The following CHSY3 variants were observed in gnomAD, a reference collection of about 807,000 sequenced individuals.
CHSY3 encodes chondroitin sulfate synthase 3.
Under a neutral mutation model 67.2 loss-of-function variants are expected in CHSY3, and 35 were observed. The observed-to-expected ratio is 0.52, with a 90% confidence interval of 0.40 to 0.69. The LOEUF (loss-of-function observed/expected upper bound fraction) is 0.69, where lower values mean the gene tolerates loss of function less well. Ranked by LOEUF, CHSY3 falls within the 30% of genes least tolerant of loss-of-function variation. The pLI is 0.00. For synonymous variants in CHSY3, 474 were observed against 434.7 expected (o/e 1.09, Z -1.12); for missense variants, 1,069 against 1,138.5 (o/e 0.94, Z 0.88).
At chr5:129,952,573 G>T (rs1167790754) in intron 2 of CHSY3, among the ~76,000 whole-genome samples, 1 of 152,094 alleles carries the variant, frequency 6.6e-6, no homozygotes, top group Non-Finnish European at 1.5e-5. Flanking sequence ...TCTACCAAAT[G>T]CCTTTAATGA....
intron 2 of CHSY3, among the ~76,000 whole-genome samples, chr5:129,979,814 T>C (rs1762930337): frequency 6.6e-6 from 1 of 152,210 alleles, no homozygotes; most frequent in Non-Finnish European, 1.5e-5. Flanking sequence ...TAGTTTAGCC[T>C]TTTCCAGAAT....
At chr5:129,955,244 T>C (rs544058066) in intron 2 of CHSY3, among the ~76,000 whole-genome samples, 3 of 152,200 alleles carry the variant, frequency 2.0e-5, no homozygotes, top group Admixed American at 6.6e-5. Context: ...GACCAAATTA[T>C]ATGAAAATTA....
chr5:130,127,335 T>G (rs1768326803), intron 2 of CHSY3, among the ~76,000 whole-genome samples: 1 of 152,100 alleles, frequency 6.6e-6, no homozygotes, highest in Non-Finnish European at 1.5e-5. Context: ...TTTCTAAGCA[T>G]TAAAACAACC....
rs751880121 is a variant in CHSY3, at chr5:130,184,206, AT to A, written c.1087-16del. On this transcript the variant is annotated intron_variant, in intron 2 of 2. Transcript: ENST00000305031. The stretch of plus-strand genomic sequence containing the variant: ...GATAAATCTTTTAAAATTAACCCTG[AT>A]TTTTTTAATTTTACTTTTCAGATGC... The A allele has an allele frequency of 2.1e-6, 3 of 1,447,496 alleles. No individual in the cohort carries two copies. The African/African-American group carries it at 4.3e-5, about 21-fold the overall frequency. 89.7% of individuals were successfully genotyped at this position (1,447,496 alleles called of 1,614,324 possible). A position where few individuals can be genotyped will look rare whatever the true frequency, so the allele number is the denominator to read the frequency against.
intron 2 of CHSY3, among the ~76,000 whole-genome samples, chr5:129,969,975 C>T (rs1289917629): frequency 1.3e-5 from 2 of 151,736 alleles, no homozygotes; most frequent in Non-Finnish European, 2.9e-5. Context: ...CTCCAAAATT[C>T]CAGGCTATTT....
intron 2 of CHSY3, among the ~76,000 whole-genome samples, chr5:130,173,681 C>A (rs2149733934): frequency 6.6e-6 from 1 of 151,998 alleles, no homozygotes; most frequent in Admixed American, 6.6e-5. Context: ...AAGAGTGTAC[C>A]TTATTATTCT....
chr5:130,085,595 A>G (rs997325831), intron 2 of CHSY3, among the ~76,000 whole-genome samples: 7 of 151,738 alleles, frequency 4.6e-5, no homozygotes, highest in African/African-American at 1.7e-4. Flanking sequence ...AGGGTTTTTT[A>G]TGTCTCTATT....
chr5:130,159,570 A>G (rs1427276191), intron 2 of CHSY3, among the ~76,000 whole-genome samples: 3 of 152,138 alleles, frequency 2.0e-5, no homozygotes, highest in South Asian at 4.1e-4. Flanking sequence ...GCCTCTTCTT[A>G]CTGCTTTTTT....
chr5:130,139,375 T>C (rs935866589), intron 2 of CHSY3, among the ~76,000 whole-genome samples: 3 of 152,172 alleles, frequency 2.0e-5, no homozygotes, highest in African/African-American at 4.8e-5. Context: ...AGTTCAGAAG[T>C]TCAGAGCAAG....
chr5:130,176,616 A>G (rs942430048), intron 2 of CHSY3, among the ~76,000 whole-genome samples: 7 of 152,304 alleles, frequency 4.6e-5, no homozygotes, highest in African/African-American at 1.4e-4. Flanking sequence ...GTGATAGACT[A>G]GATAAAGAAA....
intron 2 of CHSY3, among the ~76,000 whole-genome samples, chr5:130,074,796 G>C (rs1766199526): frequency 6.6e-6 from 1 of 152,136 alleles, no homozygotes; most frequent in Non-Finnish European, 1.5e-5. Flanking sequence ...CTTGTTGAAT[G>C]CAATTGGAAA....
chr5:130,023,626 A>G (rs913482738), intron 2 of CHSY3, among the ~76,000 whole-genome samples: 5 of 152,040 alleles, frequency 3.3e-5, no homozygotes, highest in Admixed American at 3.3e-4. Flanking sequence ...TCAGATTTAC[A>G]GTTTTTCAGT....
At chr5:130,003,670 A>G (rs1763796445) in intron 2 of CHSY3, among the ~76,000 whole-genome samples, 2 of 152,146 alleles carry the variant, frequency 1.3e-5, no homozygotes, top group African/African-American at 4.8e-5. Context: ...AGAACAGAAA[A>G]ATAATCCCAA....
At chr5:130,122,410 G>A (rs1177492243) in intron 2 of CHSY3, among the ~76,000 whole-genome samples, 1 of 152,138 alleles carries the variant, frequency 6.6e-6, no homozygotes, top group Non-Finnish European at 1.5e-5. Flanking sequence ...TTAATGATGA[G>A]TATTATTTCA....
chr5:129,941,243 T>C (rs1761689175), intron 2 of CHSY3, among the ~76,000 whole-genome samples: 1 of 152,202 alleles, frequency 6.6e-6, no homozygotes, highest in Non-Finnish European at 1.5e-5. Flanking sequence ...TAGCTTATAA[T>C]GTTTTCAATT....
In CHSY3 at chr5:129,990,950, T is replaced by A. The variant is rs1763345784; in HGVS notation, c.1086+82590T>A. Reference sequence around the variant, plus strand: ...CCCAGCCTATCCAAGAGGTGACACCTAGGATAAGACCTAGGTGTCAGAAGT... The same window carrying A: ...CCCAGCCTATCCAAGAGGTGACACCAAGGATAAGACCTAGGTGTCAGAAGT... On this transcript the variant is annotated intron_variant, in intron 2 of 2. Transcript: ENST00000305031. 2.0e-5 allele frequency among the ~76,000 whole-genome samples: 3 copies of A among 152,098 alleles called. No individual in the cohort carries two copies. In the South Asian group the frequency reaches 6.2e-4, roughly 32 times the overall value.
chr5:129,954,363 T>G (rs1484631886), intron 2 of CHSY3, among the ~76,000 whole-genome samples: 4 of 152,178 alleles, frequency 2.6e-5, no homozygotes. Context: ...ACCAGTACCA[T>G]GCTGTTTTGA....
chr5:129,982,137 T>G (rs1312413624), intron 2 of CHSY3, among the ~76,000 whole-genome samples: 1 of 152,136 alleles, frequency 6.6e-6, no homozygotes, highest in African/African-American at 2.4e-5. Flanking sequence ...CATGCATATT[T>G]TTTACTTTGG....
chr5:129,921,121 A>AT (rs1254739083), intron 2 of CHSY3, among the ~76,000 whole-genome samples: 3 of 151,948 alleles, frequency 2.0e-5, no homozygotes, highest in South Asian at 2.1e-4. Context: ...TGCATAGCCG[A>AT]TTTTTTTTCT....
Sources: allele counts gnomAD v4.1 joint callset (sites outside exome capture counted in the v4.1 genomes callset), GRCh38; gene constraint gnomAD v4.1.1; transcripts MANE v1.5; gene names NCBI Gene and HGNC (gene_info 2026-07-23, HGNC 2026-07-21).